The following WNK2 variants were observed in gnomAD, a reference collection of about 807,000 sequenced individuals.
WNK2 encodes the protein WNK lysine deficient protein kinase 2, also known as serine/threonine-protein kinase WNK2.
Under a neutral mutation model 192.1 loss-of-function variants are expected in WNK2, and 67 were observed. The observed-to-expected ratio is 0.35, with a 90% CI of 0.29 to 0.43. The LOEUF is 0.43. Ranked by LOEUF, WNK2 falls within the 20% of genes least tolerant of loss-of-function variation. WNK2 has a pLI of 1.00. For missense variants in WNK2, 2,698 were observed against 3,089.7 expected, an observed-to-expected ratio of 0.87 and a Z score of 3.01; for synonymous variants, 1,439 against 1,393.9, an observed-to-expected ratio of 1.03 and a Z score of -0.72.
chr9:93,189,434 G>A (rs528426801), intron 2 of WNK2, among the ~76,000 whole-genome samples: 4 of 152,328 alleles, frequency 2.6e-5, no homozygotes, highest in South Asian at 4.1e-4. Context: ...GGGTGGGGGC[G>A]CTGCTTCTAG....
At chr9:93,208,604 CTG>C (rs796121571) in intron 2 of WNK2, among the ~76,000 whole-genome samples, 1 of 47,428 alleles carries the variant, frequency 2.1e-5, no homozygotes, top group Non-Finnish European at 5.2e-5. Flanking sequence ...TATTCGTGTC[CTG>C]TGTGTTCTGC....
intron 16 of WNK2, among the ~76,000 whole-genome samples, chr9:93,265,477 C>G (rs1485597439): frequency 6.6e-6 from 1 of 152,194 alleles, no homozygotes; most frequent in Non-Finnish European, 1.5e-5. Context: ...GTTGGAGGGT[C>G]AGAGGCGTGA....
At position 93,320,464 on chromosome 9, in the gene WNK2, C is replaced by T. The variant is rs1404278249; in HGVS notation, c.*72C>T. ...TGACGGACCCTCAGGGCCAGCTGCTCCTCCTGTCCAGTTCACGCTGTTTTG... is the reference window on the plus strand; with the variant it reads ...TGACGGACCCTCAGGGCCAGCTGCTTCTCCTGTCCAGTTCACGCTGTTTTG... On this transcript the variant is annotated 3_prime_UTR_variant, in exon 30 of 30. Coordinates refer to ENST00000427277, the MANE Select transcript of WNK2 (RefSeq NM_006648.4). The T allele has an allele frequency of 1.5e-6, 2 of 1,353,754 alleles. No individual in the cohort carries two copies. The highest frequency in any genetic ancestry group is 2.0e-6 in the Non-Finnish European group (2 of 1,009,836). The allele number at this position is 1,353,754 out of a possible 1,614,324, so 83.9% of individuals were successfully genotyped here.
At chr9:93,245,243 A>G (rs1841485177) in intron 7 of WNK2, among the ~76,000 whole-genome samples, 1 of 152,222 alleles carries the variant, frequency 6.6e-6, no homozygotes, top group African/African-American at 2.4e-5. Flanking sequence ...AGCCCTGAAT[A>G]CTTTCGTGTC....
intron 12 of WNK2, among the ~76,000 whole-genome samples, chr9:93,260,590 A>T (rs1383573419): frequency 6.6e-6 from 1 of 152,168 alleles, no homozygotes; most frequent in African/African-American, 2.4e-5. Flanking sequence ...GTTAGTGCTG[A>T]ATCCAGACTG....
chr9:93,308,138 G>T (rs1852949010), intron 27 of WNK2, 190 bp from the exon 28 acceptor site: 1 of 1,225,592 alleles, frequency 8.2e-7, no homozygotes, highest in Admixed American at 2.9e-5. Context: ...CACAGCCCAT[G>T]GAAATGCCCC....
chr9:93,226,224 G>A (rs1048108039), intron 2 of WNK2, among the ~76,000 whole-genome samples: 1 of 152,348 alleles, frequency 6.6e-6, no homozygotes, highest in East Asian at 1.9e-4. Flanking sequence ...AGCCCTGGAG[G>A]TGGGGTGTTC....
At chr9:93,294,022 T>G (rs1849823792) in intron 23 of WNK2, among the ~76,000 whole-genome samples, 1 of 151,600 alleles carries the variant, frequency 6.6e-6, no homozygotes, top group African/African-American at 2.4e-5. Context: ...AAATATTTAT[T>G]CTGTCCTGCT....
intron 16 of WNK2, among the ~76,000 whole-genome samples, chr9:93,266,142 C>T (rs774672938): frequency 1.3e-5 from 2 of 152,154 alleles, no homozygotes; most frequent in Non-Finnish European, 2.9e-5. Context: ...TCCAGAGGTT[C>T]GAGTTGAAGG....
intron 26 of WNK2, among the ~76,000 whole-genome samples, chr9:93,306,190 G>A (rs1852502902): frequency 6.6e-6 from 1 of 152,198 alleles, no homozygotes; most frequent in Non-Finnish European, 1.5e-5. Flanking sequence ...CAGACATTGA[G>A]GTCAGCCCCT....
At position 93,258,935 on chromosome 9, in the gene WNK2, C is replaced by T. The variant is rs776651382; in HGVS notation, c.2387C>T (p.Pro796Leu). 1 of 1,610,756 alleles carries T rather than the reference C, an allele frequency of 6.2e-7. No individual in the cohort carries two copies. Among genetic ancestry groups the T allele is most frequent in the Non-Finnish European group, 8.5e-7 (1 of 1,178,384 alleles). ...ACACTCCTGTGTCTCTTTCAGATGC[C>T]CCCGATTCCTGTTGTGCCCCCCATC... ...QPLAQVPPQM[P>L]PIPVVPPITP... Residue 796 changes from proline (P) to leucine (L), a missense_variant, in exon 12 of 30, where the codon CCC becomes CTC. Physicochemically the swap from Pro to Leu is moderately conservative, Grantham distance 98 (BLOSUM62 -3). Transcript: ENST00000427277.
intron 7 of WNK2, among the ~76,000 whole-genome samples, chr9:93,240,662 G>A (rs1588122777): frequency 6.6e-6 from 1 of 152,240 alleles, no homozygotes; most frequent in East Asian, 1.9e-4. Flanking sequence ...AGGTGCAGTG[G>A]TAGGAGGAGA....
intron 2 of WNK2, among the ~76,000 whole-genome samples, chr9:93,209,171 G>A (rs376809174): frequency 6.6e-6 from 1 of 152,152 alleles, no homozygotes; most frequent in East Asian, 1.9e-4. Flanking sequence ...GTGGTGGTGG[G>A]GCCAGCTCCA....
chr9:93,317,933 C>T lies in WNK2; in HGVS notation c.6628+302C>T, dbSNP rs1368498747. On this transcript the variant is annotated intron_variant, in intron 29 of 29. Coordinates refer to ENST00000427277, the MANE Select transcript of WNK2 (RefSeq NM_006648.4). ...TGGTTTGGCCTCCGAGTCCCCCCCA[C>T]CGCCTGCTGTGGGCACAGCACTCAG... The T allele has an allele frequency of 3.7e-6, 6 of 1,605,274 alleles. No homozygotes were observed. In the African/African-American group the frequency reaches 5.4e-5, roughly 14 times the overall value.
intron 9 of WNK2, among the ~76,000 whole-genome samples, chr9:93,254,855 GT>G (rs1436307791): frequency 6.6e-6 from 1 of 152,182 alleles, no homozygotes; most frequent in African/African-American, 2.4e-5. Context: ...CAGAGTGGTG[GT>G]TCTTGGCTTT....
chr9:93,245,947 G>A (rs1307041053), intron 7 of WNK2, among the ~76,000 whole-genome samples: 1 of 152,168 alleles, frequency 6.6e-6, no homozygotes, highest in East Asian at 1.9e-4. Flanking sequence ...GCTTCCCCTA[G>A]AGCAGATGAT....
chr9:93,247,688 A>G lies in WNK2; in HGVS notation c.1688A>G (p.Lys563Arg). The G allele has an allele frequency of 1.9e-6, 3 of 1,571,484 alleles. No homozygotes were observed. The highest frequency in any genetic ancestry group is 2.6e-6 in the Non-Finnish European group (3 of 1,158,538). ...CAGCAGGATGTGGGCAGCCCGGACA[A>G]GGCCAGGGGTCCGCCGGTGCCCCTG... ...KEQQDVGSPD[K>R]ARGPPVPLQV... Residue 563 changes from lysine to arginine, a missense_variant, in exon 8 of 30, where the codon AAG becomes AGG. Physicochemically the swap from Lys to Arg is conservative, Grantham distance 26 (BLOSUM62 2). Transcript: ENST00000427277. This position sits in a 1 kb window ranked among gnomAD's most constrained non-coding sequence, Gnocchi z 5.2.
At chr9:93,213,803 A>G (rs949451319) in intron 2 of WNK2, among the ~76,000 whole-genome samples, 7 of 152,200 alleles carry the variant, frequency 4.6e-5, no homozygotes, top group African/African-American at 1.4e-4. Context: ...AACAAAACAA[A>G]ACAAAACAAA....
In WNK2 at chr9:93,257,270, A is replaced by C; in HGVS notation, c.2382+131A>C. 1 of 1,011,640 alleles carries C rather than the reference A, an allele frequency of 9.9e-7. No homozygotes were observed. Among genetic ancestry groups the C allele is most frequent in the Non-Finnish European group, 1.4e-6 (1 of 705,980 alleles). The allele number at this position is 1,011,640 out of a possible 1,614,324, so 62.7% of individuals were successfully genotyped here. A position where few individuals can be genotyped will look rare whatever the true frequency, so the allele number is the denominator to read the frequency against. ...TGACCTGGGGTTGGGCTGGCCAGGG[A>C]GTTGGGGCTGGGCTGGGGAGTCCGG... On this transcript the variant is annotated intron_variant, in intron 11 of 29. Transcript: ENST00000427277. The surrounding 1 kb of genome is among the most constrained non-coding windows in gnomAD (Gnocchi z 4.7).
Sources: gnomAD v4.1 joint callset for allele counts (sites outside exome capture counted in the v4.1 genomes callset) on GRCh38, gnomAD v4.1.1 for gene constraint, Gnocchi (gnomAD v3.1) non-coding constraint, MANE v1.5 for transcripts, NCBI Gene and HGNC (gene_info 2026-07-23, HGNC 2026-07-21) for gene names.